Variants in FMN2 observed in about 807,000 individuals in gnomAD.
FMN2 encodes formin 2, also known as formin-2.
A neutral mutation model predicts 142.3 loss-of-function variants in FMN2; 51 were observed. The observed-to-expected ratio is 0.36, with a 90% CI of 0.29 to 0.45. The LOEUF is 0.45. Ranked by LOEUF, FMN2 falls within the 20% of genes least tolerant of loss-of-function variation. FMN2 has a pLI of 1.00. For synonymous variants in FMN2, 882 were observed against 869.8 expected, an observed-to-expected ratio of 1.01 and a Z score of -0.25; for missense variants, 1,936 against 2,122.8, an observed-to-expected ratio of 0.91 and a Z score of 1.73.
chr1:240,401,410 T>G (rs1266286499), intron 15 of FMN2, among the ~76,000 whole-genome samples: 2 of 152,186 alleles, frequency 1.3e-5, no homozygotes, highest in African/African-American at 4.8e-5. Flanking sequence ...AGCCTTCCAT[T>G]TAGCCCTTTG....
At chr1:240,411,978 A>G (rs1452525651) in intron 15 of FMN2, among the ~76,000 whole-genome samples, 2 of 152,142 alleles carry the variant, frequency 1.3e-5, no homozygotes, top group Non-Finnish European at 2.9e-5. Flanking sequence ...ATATAAACAG[A>G]TAGGAGCAGA....
At chr1:240,151,816 GAGTGC>G (rs1663788822) in intron 2 of FMN2, among the ~76,000 whole-genome samples, 1 of 151,994 alleles carries the variant, frequency 6.6e-6, no homozygotes, top group South Asian at 2.1e-4. Flanking sequence ...GTCCAGACTG[GAGTGC>G]AATGCTGCGA....
intron 16 of FMN2, among the ~76,000 whole-genome samples, chr1:240,467,288 T>C (rs1360625224): frequency 6.6e-6 from 1 of 151,912 alleles, no homozygotes; most frequent in Non-Finnish European, 1.5e-5. Context: ...TTTTTTTTTT[T>C]TTTTGAGACA....
chr1:240,317,103 G>A (rs936734831), intron 8 of FMN2, among the ~76,000 whole-genome samples: 1 of 152,036 alleles, frequency 6.6e-6, no homozygotes, highest in African/African-American at 2.4e-5. Context: ...TCTATCACAA[G>A]GTCAAGAGAT....
At chr1:240,168,437 A>G (rs1664569590) in intron 2 of FMN2, among the ~76,000 whole-genome samples, 2 of 152,114 alleles carry the variant, frequency 1.3e-5, no homozygotes, top group African/African-American at 4.8e-5. Context: ...AAACAAAAAC[A>G]AAAAAGCTAG....
At chr1:240,321,656 C>T (rs1670977050) in intron 8 of FMN2, among the ~76,000 whole-genome samples, 2 of 152,244 alleles carry the variant, frequency 1.3e-5, no homozygotes, top group African/African-American at 4.8e-5. Context: ...CCTCACTTTC[C>T]CAACTACCTA....
intron 15 of FMN2, among the ~76,000 whole-genome samples, chr1:240,423,584 A>G (rs1674842800): frequency 1.3e-5 from 2 of 152,148 alleles, no homozygotes; most frequent in South Asian, 2.1e-4. Context: ...CTCATTTGGT[A>G]CTCAGCCTTT....
intron 14 of FMN2, 99 bp downstream of exon 14, chr1:240,356,007 A>C: frequency 1.3e-6 from 1 of 760,802 alleles, no homozygotes; most frequent in Non-Finnish European, 2.1e-6. Flanking sequence ...ATTGTTTAAA[A>C]AATACATATT....
intron 2 of FMN2, among the ~76,000 whole-genome samples, chr1:240,158,383 C>G (rs560267701): frequency 1.3e-5 from 2 of 152,040 alleles, no homozygotes; most frequent in African/African-American, 4.8e-5. Flanking sequence ...GGGTGATGTT[C>G]AGAGCATTAT....
At chr1:240,374,839 A>C (rs545274981) in intron 14 of FMN2, among the ~76,000 whole-genome samples, 3 of 152,190 alleles carry the variant, frequency 2.0e-5, no homozygotes, top group Non-Finnish European at 4.4e-5. Context: ...ACGCAAGAGA[A>C]CTAGCTTTCA....
intron 15 of FMN2, among the ~76,000 whole-genome samples, chr1:240,437,315 A>G (rs2103177845): frequency 1.8e-5 from 2 of 111,844 alleles, no homozygotes; most frequent in South Asian, 2.7e-4. Context: ...TTTTTTTGAG[A>G]CGGAGTCTGG....
intron 2 of FMN2, among the ~76,000 whole-genome samples, chr1:240,150,326 G>C (rs752342638): frequency 1.3e-5 from 2 of 152,158 alleles, no homozygotes; most frequent in Non-Finnish European, 2.9e-5. Flanking sequence ...GGTGGAAACT[G>C]GGTAGTCTCT....
At chr1:240,142,547 C>G in intron 2 of FMN2, 1 of 886,396 alleles carries the variant, frequency 1.1e-6, no homozygotes, top group Non-Finnish European at 1.7e-6. Flanking sequence ...TTATCTCACT[C>G]AGTAACAAAA....
intron 14 of FMN2, among the ~76,000 whole-genome samples, chr1:240,391,162 A>C (rs966463690): frequency 5.3e-5 from 8 of 152,172 alleles, no homozygotes; most frequent in African/African-American, 1.9e-4. Context: ...AAGTTTATAC[A>C]AACAATCTGA....
At position 240,474,301 on chromosome 1, in the gene FMN2, A is replaced by T. The variant is rs1421991746; in HGVS notation, c.*147A>T. 5.8e-6 allele frequency: 4 copies of T among 694,610 alleles called. No homozygotes were observed. Among genetic ancestry groups the T allele is most frequent in the Non-Finnish European group, 9.0e-6 (4 of 442,682 alleles). 43.0% of individuals were successfully genotyped at this position (694,610 alleles called of 1,614,324 possible). A position where few individuals can be genotyped will look rare whatever the true frequency, so the allele number is the denominator to read the frequency against. ...CTTTTTGTTTTCTAGACAGTTCACTAATTGTTGAATTTTACTGTATATTCA... is the reference window on the plus strand; with the variant it reads ...CTTTTTGTTTTCTAGACAGTTCACTTATTGTTGAATTTTACTGTATATTCA... On this transcript the variant is annotated 3_prime_UTR_variant, in exon 18 of 18. Transcript: ENST00000319653.
At chr1:240,161,651 CAG>C (rs1241290068) in intron 2 of FMN2, among the ~76,000 whole-genome samples, 2 of 152,032 alleles carry the variant, frequency 1.3e-5, no homozygotes, top group Non-Finnish European at 1.5e-5. Flanking sequence ...CACAGTGGAA[CAG>C]AGTCACCTAA....
At chr1:240,324,815 A>C (rs1364592477) in intron 8 of FMN2, among the ~76,000 whole-genome samples, 2 of 152,172 alleles carry the variant, frequency 1.3e-5, no homozygotes, top group East Asian at 3.9e-4. Flanking sequence ...TTGAAAACAA[A>C]ACTGTAGCTG....
intron 7 of FMN2, among the ~76,000 whole-genome samples, chr1:240,268,034 G>A (rs1375115132): frequency 6.6e-6 from 1 of 152,028 alleles, no homozygotes; most frequent in Non-Finnish European, 1.5e-5. Flanking sequence ...TATACTGTTG[G>A]CAGGGGTATA....
chr1:240,119,556 C>T (rs983489646), intron 1 of FMN2, among the ~76,000 whole-genome samples: 3 of 152,134 alleles, frequency 2.0e-5, no homozygotes, highest in African/African-American at 7.2e-5. Context: ...GTGCCACCGC[C>T]ATCCAGTAGT....
Sources: allele counts gnomAD v4.1 joint callset (sites outside exome capture counted in the v4.1 genomes callset), GRCh38; gene constraint gnomAD v4.1.1; transcripts MANE v1.5; gene names NCBI Gene and HGNC (gene_info 2026-07-23, HGNC 2026-07-21).